Variants in TFEC observed in about 807,000 individuals in gnomAD.
TFEC encodes the protein class E basic helix-loop-helix protein 34.
A neutral mutation model predicts 41.6 loss-of-function variants in TFEC; 31 were observed. That is an observed-to-expected ratio of 0.74 (90% CI 0.56 to 1.01). The LOEUF (loss-of-function observed/expected upper bound fraction) is 1.01. TFEC is among the 50% of genes least tolerant of loss of function. The pLI is 0.00. For synonymous variants in TFEC, 143 were observed against 140.6 expected (o/e 1.02, Z -0.12); for missense variants, 402 against 404.1 (o/e 0.99, Z 0.04).
intron 3 of TFEC, among the ~76,000 whole-genome samples, chr7:116,064,740 G>A (rs570159602): frequency 6.6e-6 from 1 of 152,176 alleles, no homozygotes; most frequent in East Asian, 1.9e-4. Context: ...AGCTGAATTA[G>A]TGGCAACTTA....
chr7:115,943,907 TACAA>T (rs528103506), intron 6 of TFEC, among the ~76,000 whole-genome samples: 3,433 of 151,080 alleles, frequency 0.023, 118 homozygotes, highest in African/African-American at 0.079. Flanking sequence ...ATGGAAAATG[TACAA>T]TCTGTTGTTA....
At chr7:116,015,652 G>T (rs773392234) in intron 1 of TFEC, among the ~76,000 whole-genome samples, 1 of 152,044 alleles carries the variant, frequency 6.6e-6, no homozygotes, top group Non-Finnish European at 1.5e-5. Context: ...AAATATTACC[G>T]ATAATATATA....
intron 3 of TFEC, among the ~76,000 whole-genome samples, chr7:116,037,465 C>T (rs1432896285): frequency 1.3e-5 from 2 of 151,908 alleles, no homozygotes; most frequent in Non-Finnish European, 2.9e-5. Flanking sequence ...ACTCATTGAT[C>T]AGAATTGTAC....
At chr7:116,034,673 C>T (rs1007963655), upstream of TFEC, among the ~76,000 whole-genome samples, 3 of 142,108 alleles carry the variant, frequency 2.1e-5, no homozygotes, top group African/African-American at 5.1e-5. Context: ...CACACTAACA[C>T]GCACAGGCAT....
chr7:115,988,187 C>G (rs1793942723), intron 1 of TFEC, among the ~76,000 whole-genome samples: 1 of 151,902 alleles, frequency 6.6e-6, no homozygotes, highest in South Asian at 2.1e-4. Flanking sequence ...ACAAGACATA[C>G]TAAAAGGCTA....
chr7:116,106,046 C>A (rs1189638570), intron 3 of TFEC, among the ~76,000 whole-genome samples: 1 of 152,010 alleles, frequency 6.6e-6, no homozygotes, highest in African/African-American at 2.4e-5. Flanking sequence ...AAATTAAAGT[C>A]AGCATTCCAA....
intron 1 of TFEC, among the ~76,000 whole-genome samples, chr7:116,153,241 TTTTTGTTTTGTTTCG>T (rs1239889371): frequency 6.8e-6 from 1 of 148,148 alleles, no homozygotes; most frequent in Non-Finnish European, 1.5e-5. Flanking sequence ...GTTGTGGGTG[TTTTTGTTTTGTTTCG>T]TTTTGTTTTG....
intron 3 of TFEC, among the ~76,000 whole-genome samples, chr7:115,970,651 C>G (rs1447070770): frequency 6.6e-6 from 1 of 151,836 alleles, no homozygotes; most frequent in Non-Finnish European, 1.5e-5. Flanking sequence ...AAGAAAAGTC[C>G]TTTGGAAGGG....
At chr7:115,990,115 T>C (rs982183070) in intron 1 of TFEC, among the ~76,000 whole-genome samples, 1 of 152,192 alleles carries the variant, frequency 6.6e-6, no homozygotes, top group Non-Finnish European at 1.5e-5. Context: ...AGGAAAACGG[T>C]GTCTGGAGTG....
At chr7:116,084,552 G>A (rs1412587826) in intron 3 of TFEC, among the ~76,000 whole-genome samples, 1 of 151,746 alleles carries the variant, frequency 6.6e-6, no homozygotes, top group Non-Finnish European at 1.5e-5. Flanking sequence ...GGCACATTGG[G>A]TAGATTTTCA....
chr7:116,050,440 A>T (rs533847969), intron 3 of TFEC, among the ~76,000 whole-genome samples: 1 of 152,238 alleles, frequency 6.6e-6, no homozygotes, highest in African/African-American at 2.4e-5. Flanking sequence ...GAACTTAAAC[A>T]AATTTACAAG....
In TFEC at chr7:115,940,803, T is replaced by C. The variant is rs1475453042; in HGVS notation, c.792A>G (p.Gln264=). Residue 264 remains glutamine, a synonymous_variant, in exon 8 of 8, where the codon CAA becomes CAG. Coordinates refer to ENST00000265440, the MANE Select transcript of TFEC (RefSeq NM_012252.4). ...GGCTTGGCCCCTGAGACACAGTCAG[T>C]TGTTGGCAATAGTCTACTGAATTCT... The part of the protein sequence containing the change: ...PEQNSVDYCQ[Q]LTVSQGPSPE... The C allele has an allele frequency of 6.2e-7, 1 of 1,613,442 alleles. No individual in the cohort carries two copies. The highest frequency in any genetic ancestry group is 1.3e-5 in the African/African-American group (1 of 74,846).
intron 1 of TFEC, among the ~76,000 whole-genome samples, chr7:116,155,401 C>A (rs575708747): frequency 2.0e-5 from 3 of 152,294 alleles, no homozygotes; most frequent in Admixed American, 6.5e-5. Flanking sequence ...CTACAGTTGA[C>A]ATATTTCCAC....
chr7:116,009,130 T>C (rs1270151055), intron 1 of TFEC, among the ~76,000 whole-genome samples: 1 of 152,216 alleles, frequency 6.6e-6, no homozygotes, highest in Non-Finnish European at 1.5e-5. Context: ...CATTTATACA[T>C]GCATTGATTT....
chr7:116,032,441 T>C (rs973121298), upstream of TFEC, among the ~76,000 whole-genome samples: 1 of 152,010 alleles, frequency 6.6e-6, no homozygotes, highest in Non-Finnish European at 1.5e-5. Context: ...TAAATGCCCA[T>C]CAATGGTAGA....
chr7:115,949,347 T>G (rs989750412), intron 6 of TFEC, among the ~76,000 whole-genome samples: 4 of 151,992 alleles, frequency 2.6e-5, no homozygotes, highest in Non-Finnish European at 4.4e-5. Context: ...TGGAAAAAAC[T>G]ACTTTAAAGT....
intron 1 of TFEC, among the ~76,000 whole-genome samples, chr7:115,998,517 CA>C (rs1463542216): frequency 8.6e-5 from 13 of 150,824 alleles, no homozygotes; most frequent in Non-Finnish European, 1.6e-4. Flanking sequence ...ACTCTCCAAT[CA>C]AAAAAACATA....
At chr7:115,985,215 C>G (rs973422110) in intron 1 of TFEC, among the ~76,000 whole-genome samples, 2 of 152,076 alleles carry the variant, frequency 1.3e-5, no homozygotes, top group African/African-American at 4.8e-5. Flanking sequence ...GTCAGCTAAA[C>G]AACTGTCCAG....
intron 2 of TFEC, among the ~76,000 whole-genome samples, chr7:115,982,208 A>G (rs1170384817): frequency 2.0e-5 from 3 of 147,890 alleles, no homozygotes; most frequent in African/African-American, 5.0e-5. Context: ...GGCTTGGGAG[A>G]AAAAAAAAAC....
Sources: allele counts gnomAD v4.1 joint callset (sites outside exome capture counted in the v4.1 genomes callset), GRCh38; gene constraint gnomAD v4.1.1; transcripts MANE v1.5; gene names NCBI Gene and HGNC (gene_info 2026-07-23, HGNC 2026-07-21).